Variants in ASIC2 observed in about 807,000 individuals in gnomAD.
ASIC2 encodes acid-sensing ion channel 2.
A neutral mutation model predicts 57.3 loss-of-function variants in ASIC2; 25 were observed. The observed-to-expected ratio is 0.44, with a 90% CI of 0.32 to 0.61. The LOEUF is 0.61. Among genes scored for constraint, ASIC2 ranks in the 20% least tolerant of loss-of-function variants. ASIC2 has a pLI of 0.06. For synonymous variants in ASIC2, 319 were observed against 307.5 expected, an observed-to-expected ratio of 1.04 and a Z score of -0.39; for missense variants, 641 against 738.1, an observed-to-expected ratio of 0.87 and a Z score of 1.52.
chr17:33,076,568 A>G (rs1286040769), intron 3 of ASIC2, among the ~76,000 whole-genome samples: 1 of 152,194 alleles, frequency 6.6e-6, no homozygotes, highest in Non-Finnish European at 1.5e-5. Flanking sequence ...AGCTCTCAGT[A>G]TGGTAGGCAC....
chr17:33,780,869 GCTCTT>G (rs1911430453), intron 1 of ASIC2, among the ~76,000 whole-genome samples: 1 of 152,132 alleles, frequency 6.6e-6, no homozygotes, highest in African/African-American at 2.4e-5. Flanking sequence ...TGACTCTTGG[GCTCTT>G]CTCTTTATCA....
intron 1 of ASIC2, among the ~76,000 whole-genome samples, chr17:34,027,902 A>T (rs549274627): frequency 6.6e-6 from 1 of 152,328 alleles, no homozygotes; most frequent in African/African-American, 2.4e-5. Flanking sequence ...GATTTGGGCC[A>T]TGACATTGTG....
At chr17:33,457,426 C>T (rs758298177) in intron 1 of ASIC2, among the ~76,000 whole-genome samples, 18 of 152,062 alleles carry the variant, frequency 1.2e-4, no homozygotes, top group South Asian at 2.1e-4. Context: ...GGGTGGCAAG[C>T]GACTAGGCAA....
rs1909504217 is a variant in ASIC2 at position 34,073,473 on chromosome 17, G to A, written c.555+82505C>T. Among the ~76,000 whole-genome samples the A allele has an allele frequency of 2.6e-5, 4 of 152,014 alleles. No homozygotes were observed. In the South Asian group the frequency reaches 6.2e-4, roughly 24 times the overall value. Reference sequence around the variant, plus strand: ...AAGTTAGATATTTTATGGTTGGCTGGTATAGGTTGTGGCCAAACCATATGG... The same window carrying A: ...AAGTTAGATATTTTATGGTTGGCTGATATAGGTTGTGGCCAAACCATATGG... On this transcript the variant is annotated intron_variant, in intron 1 of 9. Transcript: ENST00000359872.
At chr17:33,256,802 A>C (rs1024279205) in intron 1 of ASIC2, among the ~76,000 whole-genome samples, 27 of 152,238 alleles carry the variant, frequency 1.8e-4, no homozygotes, top group African/African-American at 5.8e-4. Context: ...ACTGCACTCC[A>C]GCCTGGGCAA....
intron 1 of ASIC2, among the ~76,000 whole-genome samples, chr17:34,032,507 T>C (rs547223377): frequency 6.6e-6 from 1 of 152,280 alleles, no homozygotes; most frequent in Non-Finnish European, 1.5e-5. Context: ...AATTCACACA[T>C]AACAATATTA....
chr17:33,831,221 G>A (rs1044961767), intron 1 of ASIC2, among the ~76,000 whole-genome samples: 6 of 138,976 alleles, frequency 4.3e-5, no homozygotes, highest in African/African-American at 1.6e-4. Flanking sequence ...AAATTATGTT[G>A]TACCTCTTCT....
chr17:33,694,306 C>T (rs989953712), intron 1 of ASIC2, among the ~76,000 whole-genome samples: 5 of 152,148 alleles, frequency 3.3e-5, no homozygotes, highest in African/African-American at 9.7e-5. Flanking sequence ...GCTCCTCCAC[C>T]GTCAACAGAA....
At chr17:33,673,106 G>A (rs1027217973) in intron 1 of ASIC2, among the ~76,000 whole-genome samples, 3 of 152,304 alleles carry the variant, frequency 2.0e-5, no homozygotes, top group African/African-American at 4.8e-5. Context: ...TCATAGAGGC[G>A]GCAGCATTAC....
At chr17:34,072,896 T>G (rs1567809462) in intron 1 of ASIC2, among the ~76,000 whole-genome samples, 1 of 152,200 alleles carries the variant, frequency 6.6e-6, no homozygotes. Context: ...ATTTAAGAAA[T>G]GTTTTTTTAA....
intron 1 of ASIC2, among the ~76,000 whole-genome samples, chr17:33,380,408 G>C (rs2141945553): frequency 6.6e-6 from 1 of 152,242 alleles, no homozygotes; most frequent in East Asian, 1.9e-4. Flanking sequence ...CACTCTATGT[G>C]CATGCTATTT....
chr17:33,885,934 T>C (rs1914819119), intron 1 of ASIC2, among the ~76,000 whole-genome samples: 1 of 152,220 alleles, frequency 6.6e-6, no homozygotes, highest in Non-Finnish European at 1.5e-5. Flanking sequence ...TATGATTGCT[T>C]TGAGGACATA....
intron 1 of ASIC2, among the ~76,000 whole-genome samples, chr17:33,732,095 A>G (rs1384638090): frequency 2.0e-5 from 3 of 152,250 alleles, no homozygotes; most frequent in Admixed American, 6.5e-5. Context: ...CATATCTTTG[A>G]TTCAGCAATT....
intron 1 of ASIC2, among the ~76,000 whole-genome samples, chr17:33,208,507 C>T (rs1907154032): frequency 6.6e-6 from 1 of 152,124 alleles, no homozygotes; most frequent in African/African-American, 2.4e-5. Context: ...TGCTCTTTCC[C>T]TCAGAGCTTT....
chr17:33,941,510 T>C (rs772526930), intron 1 of ASIC2, among the ~76,000 whole-genome samples: 10 of 152,082 alleles, frequency 6.6e-5, no homozygotes, highest in Non-Finnish European at 1.3e-4. Context: ...GAAAGGCCAA[T>C]AGAGACATCA....
intron 1 of ASIC2, among the ~76,000 whole-genome samples, chr17:33,499,031 G>T (rs1914024819): frequency 6.6e-6 from 1 of 152,198 alleles, no homozygotes; most frequent in Non-Finnish European, 1.5e-5. Flanking sequence ...GCAATTGTTG[G>T]CAGCAAGTGT....
chr17:33,202,416 G>T (rs1226250018), intron 1 of ASIC2, among the ~76,000 whole-genome samples: 1 of 152,184 alleles, frequency 6.6e-6, no homozygotes, highest in Non-Finnish European at 1.5e-5. Flanking sequence ...AGAGCAGGAA[G>T]ATATTAAGTG....
intron 1 of ASIC2, chr17:34,155,942 G>A (rs1438602236): frequency 3.2e-6 from 5 of 1,568,718 alleles, no homozygotes; most frequent in Admixed American, 1.8e-5. Context: ...CTTCTCCAGA[G>A]GACCAGACAG....
intron 1 of ASIC2, among the ~76,000 whole-genome samples, chr17:33,656,003 G>A (rs1907063994): frequency 6.6e-6 from 1 of 152,068 alleles, no homozygotes. Context: ...TTTGCTTTTA[G>A]AGGCAGCATG....
Sources: allele counts gnomAD v4.1 joint callset (sites outside exome capture counted in the v4.1 genomes callset), GRCh38; gene constraint gnomAD v4.1.1; transcripts MANE v1.5; gene names NCBI Gene and HGNC (gene_info 2026-07-23, HGNC 2026-07-21).